Variants in P2RX7 observed in about 807,000 individuals in gnomAD.
P2RX7 encodes the protein purinergic receptor P2X 7.
A neutral mutation model predicts 71.6 loss-of-function variants in P2RX7; 62 were observed. That is an observed-to-expected ratio of 0.87 (90% CI 0.71 to 1.07). P2RX7 has a LOEUF of 1.07. P2RX7 is among the 50% of genes least tolerant of loss of function. P2RX7 has a pLI of 0.00. For missense variants in P2RX7, 686 were observed against 748.5 expected (o/e 0.92, Z 0.97); for synonymous variants, 299 against 283.3 (o/e 1.06, Z -0.56).
rs539459638 is a variant in P2RX7 at position 121,174,100 on chromosome 12, C to T, written c.882-1288C>T. ...TCTTGCTCTGTCACCCAGGCTAGAG[C>T]GCAGTGATACGATCTCGGCTCACTG... On this transcript the variant is annotated intron_variant, in intron 8 of 12. Transcript: ENST00000328963. 4.4e-4 allele frequency among the ~76,000 whole-genome samples: 61 copies of T among 137,182 alleles called. No homozygotes were observed. The South Asian group carries it at 4.6e-3, about 10-fold the overall frequency. The allele number at this position is 137,182 out of a possible 152,430, so 90.0% of individuals were successfully genotyped here.
chr12:121,171,063 A>G (rs1267693565), intron 8 of P2RX7, among the ~76,000 whole-genome samples: 2 of 152,178 alleles, frequency 1.3e-5, no homozygotes, highest in African/African-American at 4.8e-5. Context: ...CGCGCTTCTC[A>G]GGCCCAGCAG....
intron 11 of P2RX7, among the ~76,000 whole-genome samples, chr12:121,179,523 C>T (rs1039191401): frequency 2.0e-5 from 3 of 150,272 alleles, no homozygotes; most frequent in Admixed American, 6.7e-5. Flanking sequence ...AAAACAAAGA[C>T]GATTTCTTTG....
intron 3 of P2RX7, among the ~76,000 whole-genome samples, chr12:121,157,853 G>T (rs1161064359): frequency 6.6e-6 from 1 of 152,210 alleles, no homozygotes; most frequent in Non-Finnish European, 1.5e-5. Context: ...TGAAACAAAT[G>T]AGTGAATACC....
chr12:121,174,052 T>C (rs1426491915), intron 8 of P2RX7, among the ~76,000 whole-genome samples: 49 of 143,204 alleles, frequency 3.4e-4, no homozygotes, highest in African/African-American at 1.2e-3. Context: ...TCTTTTCTTT[T>C]TTTTTTTTTT....
At chr12:121,165,117 G>T (rs1371305745) in intron 5 of P2RX7, among the ~76,000 whole-genome samples, 1 of 152,162 alleles carries the variant, frequency 6.6e-6, no homozygotes, top group African/African-American at 2.4e-5. Flanking sequence ...GATGAGATTT[G>T]GGTGGGGACA....
chr12:121,180,147 C>CAA (rs60397642), intron 11 of P2RX7, among the ~76,000 whole-genome samples: 23,665 of 64,354 alleles, frequency 0.37, 3,422 homozygotes, highest in Non-Finnish European at 0.43. Context: ...AACTCCAACT[C>CAA]AAAAAAAAAA....
intron 1 of P2RX7, among the ~76,000 whole-genome samples, chr12:121,152,277 G>C (rs964841688): frequency 6.6e-6 from 1 of 152,026 alleles, no homozygotes; most frequent in Non-Finnish European, 1.5e-5. Context: ...CACTATGTCA[G>C]GCCTAGTCAA....
At chr12:121,153,293 T>C (rs1001115861) in intron 1 of P2RX7, among the ~76,000 whole-genome samples, 1 of 152,188 alleles carries the variant, frequency 6.6e-6, no homozygotes, top group African/African-American at 2.4e-5. Flanking sequence ...AGGGCAGCCA[T>C]CATCTTAGAC....
At position 121,162,472 on chromosome 12, in the gene P2RX7, G is replaced by T; in HGVS notation, c.485G>T (p.Cys162Phe). 6.2e-7 allele frequency: 1 copy of T among 1,613,910 alleles called. No individual in the cohort carries two copies. The highest frequency in any genetic ancestry group is 8.5e-7 in the Non-Finnish European group (1 of 1,179,990). ...GTGTATGAAGGGAACCAGAAGACCT[G>T]TGAAGTCTCTGCCTGGTGCCCCATC... Reference protein sequence around the residue: ...CVVYEGNQKTCEVSAWCPIEA... With the variant: ...CVVYEGNQKTFEVSAWCPIEA... The change falls in exon 5 of 13, where the codon TGT becomes TTT. Residue 162 changes from cysteine (C) to phenylalanine (F), a missense_variant. By Grantham distance (205) the Cys-to-Phe change is radical. Coordinates refer to ENST00000328963, the MANE Select transcript of P2RX7 (RefSeq NM_002562.6).
At position 121,184,762 on chromosome 12, in the gene P2RX7, A is replaced by C. The variant is rs201922617; in HGVS notation, c.1748A>C (p.Lys583Thr). 2.3e-4 allele frequency: 351 copies of C among 1,552,570 alleles called. No homozygotes were observed. In the East Asian group the frequency reaches 7.4e-3, roughly 33 times the overall value. ...TGGAGGATCCGGAAAGAGTTTCCGA[A>C]GAGTGAAGGGCAGTACAGTGGCTTC... ...CRWRIRKEFP[K>T]SEGQYSGFKS... Residue 583 changes from lysine (K) to threonine (T), a missense_variant, in exon 13 of 13, where the codon AAG becomes ACG. Transcript: ENST00000328963.
rs73403836 is a variant in P2RX7, at chr12:121,150,498, G to A, written c.126-4287G>A. Among the ~76,000 whole-genome samples the A allele has an allele frequency of 5.8e-3, 888 of 152,342 alleles. 15 individuals carry two copies. The highest frequency in any genetic ancestry group is 0.02 in the African/African-American group (845 of 41,578). The stretch of plus-strand genomic sequence containing the variant: ...ATGCTGGGCTGAAATGTATTAATGA[G>A]CAAGTGTTATCATATTTGTCTATGG... On this transcript the variant is annotated intron_variant, in intron 1 of 12. Coordinates refer to ENST00000328963, the MANE Select transcript of P2RX7 (RefSeq NM_002562.6).
intron 3 of P2RX7, among the ~76,000 whole-genome samples, chr12:121,159,035 T>C (rs1879121143): frequency 6.6e-6 from 1 of 152,198 alleles, no homozygotes; most frequent in Non-Finnish European, 1.5e-5. Flanking sequence ...ATGAGAGAGT[T>C]TGAAAACTAC....
chr12:121,155,152 G>T, intron 2 of P2RX7, 199 bp downstream of exon 2: 2 of 1,497,196 alleles, frequency 1.3e-6, no homozygotes, highest in Non-Finnish European at 8.9e-7. Context: ...GCTTTATCAA[G>T]TCCTACAGGG....
rs901486558 is a variant in P2RX7 at position 121,187,311 on chromosome 12, T to G, written c.*2509T>G. The G allele has an allele frequency of 1.3e-5, 2 of 152,234 alleles. No individual in the cohort carries two copies. Among genetic ancestry groups the G allele is most frequent in the African/African-American group, 2.4e-5 (1 of 41,464 alleles). The allele number at this position is 152,234 out of a possible 1,614,324, so 9.4% of individuals were successfully genotyped here. A position where few individuals can be genotyped will look rare whatever the true frequency, so the allele number is the denominator to read the frequency against. Reference sequence around the variant, plus strand: ...AAGACAGCATGAATAAAACCATTTTTTGATACAGGGTTTTATTTGGCTTTA... The same window carrying G: ...AAGACAGCATGAATAAAACCATTTTGTGATACAGGGTTTTATTTGGCTTTA... On this transcript the variant is annotated 3_prime_UTR_variant, in exon 13 of 13. Coordinates refer to ENST00000328963, the MANE Select transcript of P2RX7 (RefSeq NM_002562.6).
intron 5 of P2RX7, among the ~76,000 whole-genome samples, chr12:121,163,043 T>C (rs998438126): frequency 5.3e-5 from 8 of 152,134 alleles, no homozygotes; most frequent in Non-Finnish European, 7.3e-5. Context: ...GTCCCTTGTA[T>C]TGATGCTTCG....
At chr12:121,161,460 G>T (rs866720023) in intron 4 of P2RX7, among the ~76,000 whole-genome samples, 1 of 151,714 alleles carries the variant, frequency 6.6e-6, no homozygotes, top group African/African-American at 2.4e-5. Context: ...GTGCTATTGC[G>T]ATACCTGCAG....
At position 121,177,300 on chromosome 12, in the gene P2RX7, G is replaced by A. The variant is rs1718119; in HGVS notation, c.1042G>A (p.Ala348Thr). 0.39 allele frequency: 621,391 copies of A among 1,613,570 alleles called. 122,769 individuals are homozygous for A. Among genetic ancestry groups the A allele is most frequent in the African/African-American group, 0.45 (34,044 of 74,926 alleles). ...GSTLSYFGLA[A>T]VFIDFLIDTY... is the part of the protein sequence containing the mutation. ...CGCTTGTCTGCATTCTCCCCAGGCC[G>A]CTGTGTTCATCGACTTCCTCATCGA... is the stretch of plus-strand genomic sequence containing the variant. The change falls in exon 11 of 13, where the codon GCT becomes ACT. Residue 348 changes from alanine to threonine, a missense_variant. Transcript: ENST00000328963.
intron 7 of P2RX7, among the ~76,000 whole-genome samples, 156 bp downstream of exon 7, chr12:121,166,343 C>T (rs475836): frequency 4.6e-5 from 7 of 151,790 alleles, no homozygotes; most frequent in African/African-American, 1.7e-4. Flanking sequence ...CTTTACCTAC[C>T]ATACCTCGTC....
chr12:121,185,126 G>T lies in P2RX7; in HGVS notation c.*324G>T. 4.7e-6 allele frequency: 1 copy of T among 214,150 alleles called. No homozygotes were observed. Among genetic ancestry groups the T allele is most frequent in the Non-Finnish European group, 9.3e-6 (1 of 107,772 alleles). The allele number at this position is 214,150 out of a possible 1,614,324, so 13.3% of individuals were successfully genotyped here. ...CTTACCAATAGCAGGGGCTGCAGTA[G>T]CCATGTTAACATGACATTTACCAGC... On this transcript the variant is annotated 3_prime_UTR_variant, in exon 13 of 13. Transcript: ENST00000328963.
Sources: gnomAD v4.1 joint callset for allele counts (sites outside exome capture counted in the v4.1 genomes callset) on GRCh38, gnomAD v4.1.1 for gene constraint, MANE v1.5 for transcripts, NCBI Gene and HGNC (gene_info 2026-07-23, HGNC 2026-07-21) for gene names.